The following GAK variants were observed in gnomAD, a reference collection of about 807,000 sequenced individuals.
The protein encoded by GAK is cyclin G associated kinase, also known as cyclin-G-associated kinase.
Under a neutral mutation model 143.9 loss-of-function variants are expected in GAK, and 79 were observed. That is an observed-to-expected ratio of 0.55 (90% CI 0.46 to 0.66). The LOEUF is 0.66. Ranked by LOEUF, GAK falls within the 30% of genes least tolerant of loss-of-function variation. The pLI, the probability that GAK is intolerant of heterozygous loss-of-function variation, is 0.00. For missense variants in GAK, 1,693 were observed against 1,779.7 expected (o/e 0.95, Z 0.88); for synonymous variants, 881 against 765.5 (o/e 1.15, Z -2.49).
chr4:865,443 T>C (rs1005029179), intron 22 of GAK, among the ~76,000 whole-genome samples, 199 bp from the exon 23 acceptor site: 2 of 151,748 alleles, frequency 1.3e-5, no homozygotes, highest in African/African-American at 4.8e-5. Context: ...CGAGTGGACG[T>C]AGGGGCACCA....
intron 24 of GAK, among the ~76,000 whole-genome samples, chr4:856,583 C>CCACCCCAGGTGCTCACAGCTGCT (rs1749296934): frequency 1.4e-5 from 1 of 73,450 alleles, no homozygotes. Context: ...CAGCTGCTCA[C>CCACCCCAGGTGCTCACAGCTGCT]CACCACAGGT....
chr4:888,823 A>G (rs1190848426), intron 11 of GAK, 24 bp downstream of exon 11: 3 of 1,589,818 alleles, frequency 1.9e-6, no homozygotes, highest in Admixed American at 1.8e-5. Context: ...CGGCAGGTCC[A>G]GGGCTCTGGA....
intron 26 of GAK, 55 bp from the exon 27 acceptor site, chr4:850,123 T>C: frequency 6.8e-7 from 1 of 1,478,374 alleles, no homozygotes. Context: ...CCTCCTCCTC[T>C]GCACCGCGGA....
rs144737981 is a variant in GAK at position 904,824 on chromosome 4, G to A, written c.383-45C>T. 6.1e-4 allele frequency: 969 copies of A among 1,594,884 alleles called. 4 individuals carry two copies. The African/African-American group carries it at 0.011, about 18-fold the overall frequency. ...ACATGGAGGCAGGAGAACAGGGTCC[G>A]GAGACAGGGAACCTAGGGCTGTTTC... On this transcript the variant is annotated intron_variant, in intron 4 of 27. Transcript: ENST00000314167.
intron 26 of GAK, 66 bp from the exon 27 acceptor site, chr4:850,134 A>C: frequency 5.5e-6 from 8 of 1,445,974 alleles, no homozygotes; most frequent in Non-Finnish European, 7.4e-6. Context: ...GCACCGCGGA[A>C]ACTGAGGCAC....
At position 849,988 on chromosome 4, in the gene GAK, C is replaced by T. The variant is rs1747819864; in HGVS notation, c.3738G>A (p.Glu1246=). ...CCATGCCCACGGGCGTCCAGCGGCT[C>T]TCCCCGTCCCACAGCACTGTGTGCA... ...STLHTVLWDG[E]SRWTPVGMAD... The change falls in exon 27 of 28, where the codon GAG becomes GAA. Residue 1246 remains glutamate (E), a synonymous_variant. Coordinates refer to ENST00000314167, the MANE Select transcript of GAK (RefSeq NM_005255.4). 1 of 1,611,402 alleles carries T rather than the reference C, an allele frequency of 6.2e-7. No homozygotes were observed. The highest frequency in any genetic ancestry group is 8.5e-7 in the Non-Finnish European group (1 of 1,179,290).
intron 27 of GAK, 59 bp from the exon 28 acceptor site, chr4:849,833 G>GGGGGCCC: frequency 8.4e-7 from 1 of 1,190,152 alleles, no homozygotes; most frequent in Non-Finnish European, 1.2e-6. Context: ...GGCGGGGCAG[G>GGGGGCCC]ACCCCCCCCC....
At chr4:871,259 G>C (rs1008151230) in intron 18 of GAK, among the ~76,000 whole-genome samples, 1 of 152,258 alleles carries the variant, frequency 6.6e-6, no homozygotes, top group African/African-American at 2.4e-5. Flanking sequence ...CGTGCTCAGA[G>C]CAGACGGGAC....
intron 3 of GAK, 112 bp from the exon 4 acceptor site, chr4:911,899 C>A: frequency 1.2e-6 from 1 of 828,160 alleles, no homozygotes; most frequent in East Asian, 2.7e-5. Context: ...TTGAATCGAA[C>A]CCTTACAATT....
chr4:901,705 G>T (rs1374502512), intron 5 of GAK, among the ~76,000 whole-genome samples: 1 of 152,238 alleles, frequency 6.6e-6, no homozygotes, highest in African/African-American at 2.4e-5. Flanking sequence ...TGCTCCACAA[G>T]AGACGCCACG....
chr4:912,416 C>G lies in GAK; in HGVS notation c.267+319G>C, dbSNP rs1418570120. 4 of 384,364 alleles carry G rather than the reference C, an allele frequency of 1.0e-5. No individual in the cohort carries two copies. The East Asian group carries it at 1.7e-4, about 17-fold the overall frequency. 23.8% of individuals were successfully genotyped at this position (384,364 alleles called of 1,614,324 possible). ...GCTCTCAGCCAGGTCTCCGGAGGAG[C>G]TGAGGGGGCCGGGCCGGGCAAGGGC... On this transcript the variant is annotated intron_variant, in intron 3 of 27. Coordinates refer to ENST00000314167, the MANE Select transcript of GAK (RefSeq NM_005255.4).
chr4:893,796 G>C (rs1469401081), intron 8 of GAK, 78 bp downstream of exon 8: 2 of 1,470,560 alleles, frequency 1.4e-6, no homozygotes, highest in Non-Finnish European at 1.8e-6. Context: ...AGTGCCCCAA[G>C]GGGAGCGGGG....
chr4:932,278 G>T lies in GAK; in HGVS notation c.-91C>A. 1 of 1,409,156 alleles carries T rather than the reference G, an allele frequency of 7.1e-7. No homozygotes were observed. The highest frequency in any genetic ancestry group is 9.2e-7 in the Non-Finnish European group (1 of 1,090,460). The allele number at this position is 1,409,156 out of a possible 1,614,324, so 87.3% of individuals were successfully genotyped here. On this transcript the variant is annotated 5_prime_UTR_variant, in exon 1 of 28. Transcript: ENST00000314167. This position sits in a 1 kb window ranked among gnomAD's most constrained non-coding sequence, Gnocchi z 4.0. ...GTCCGGGTCAGCTCAGCAACCGCCGGCCCGGAGGTGCACCATCTTCCGCCT... is the reference window on the plus strand; with the variant it reads ...GTCCGGGTCAGCTCAGCAACCGCCGTCCCGGAGGTGCACCATCTTCCGCCT...
In GAK at chr4:850,100, G is replaced by A. The variant is rs1288477713; in HGVS notation, c.3658-32C>T. On this transcript the variant is annotated intron_variant, in intron 26 of 27. Transcript: ENST00000314167. ...GAGACACGGAGCTTGCCGAGCCCTG[G>A]GCACCTGCCTGCCCTCCTCCTCTGC... The A allele has an allele frequency of 3.3e-6, 5 of 1,533,784 alleles. No homozygotes were observed. In the Admixed American group the frequency reaches 7.5e-5, roughly 23 times the overall value.
Position 893,484 on chromosome 4 carries a change from T to C in GAK, c.883A>G (p.Met295Val). Reference protein sequence around the residue: ...YTVFHSLIRAMLQVNPEERLS... With the variant: ...YTVFHSLIRAVLQVNPEERLS... ...CGCTCCTCCGGGTTCACCTGCAGCATGGCGCCTGCAGCAGAAGCACAGCGC... is the reference window on the plus strand; with the variant it reads ...CGCTCCTCCGGGTTCACCTGCAGCACGGCGCCTGCAGCAGAAGCACAGCGC... The change falls in exon 9 of 28, where the codon ATG becomes GTG. Residue 295 changes from methionine to valine, a missense_variant. This residue lies in a region of GAK where 871 missense variants were observed against 991.0 expected (regional missense o/e 0.88). Transcript: ENST00000314167. 6.4e-7 allele frequency: 1 copy of C among 1,568,898 alleles called. No individual in the cohort carries two copies. Among genetic ancestry groups the C allele is most frequent in the Non-Finnish European group, 8.6e-7 (1 of 1,160,132 alleles).
At chr4:896,108 C>T (rs1718716947) in intron 7 of GAK, among the ~76,000 whole-genome samples, 1 of 152,108 alleles carries the variant, frequency 6.6e-6, no homozygotes, top group Admixed American at 6.5e-5. Context: ...ACCAAAAATA[C>T]AAAATAATAG....
rs1747676037 is a variant in GAK at position 849,524 on chromosome 4, CT to C, written c.*148del. On this transcript the variant is annotated 3_prime_UTR_variant, in exon 28 of 28. Coordinates refer to ENST00000314167, the MANE Select transcript of GAK (RefSeq NM_005255.4). The stretch of plus-strand genomic sequence containing the variant: ...TTTGGAATGCTTTCTCTTCATGTGC[CT>C]GGAACGCTGGGCGGGCGGTGACCCG... 1.6e-6 allele frequency: 1 copy of C among 619,702 alleles called. No homozygotes were observed. Among genetic ancestry groups the C allele is most frequent in the African/African-American group, 1.8e-5 (1 of 54,084 alleles). The allele number at this position is 619,702 out of a possible 1,614,324, so 38.4% of individuals were successfully genotyped here. A position where few individuals can be genotyped will look rare whatever the true frequency, so the allele number is the denominator to read the frequency against.
At chr4:913,527 C>A in intron 2 of GAK, 80 bp downstream of exon 2, 1 of 1,049,896 alleles carries the variant, frequency 9.5e-7, no homozygotes, top group Non-Finnish European at 1.5e-6. Context: ...GTAACAGGGA[C>A]GCATCCCTGA....
Position 904,730 on chromosome 4 carries a change from C to A in GAK, c.432G>T (p.Ser144=). 6.2e-7 allele frequency: 1 copy of A among 1,614,060 alleles called. No homozygotes were observed. Among genetic ancestry groups the A allele is most frequent in the Non-Finnish European group, 8.5e-7 (1 of 1,179,976 alleles). The change falls in exon 5 of 28, where the codon TCG becomes TCT. Residue 144 remains serine (S), a synonymous_variant. Coordinates refer to ENST00000314167, the MANE Select transcript of GAK (RefSeq NM_005255.4). ...LKKMESRGPL[S]CDTVLKIFYQ... ...AGAAGATCTTCAGAACCGTGTCGCA[C>A]GAAAGGGGGCCTCGAGATTCCATTT...
Sources: allele counts gnomAD v4.1 joint callset (sites outside exome capture counted in the v4.1 genomes callset), GRCh38; gene constraint gnomAD v4.1.1; regional missense constraint gnomAD v4.1.1; non-coding constraint Gnocchi (gnomAD v3.1); transcripts MANE v1.5; gene names NCBI Gene and HGNC (gene_info 2026-07-23, HGNC 2026-07-21).